CCDC85A: variants seen among roughly 807,000 people sequenced by gnomAD.
The protein encoded by CCDC85A is coiled-coil domain containing 85A.
A neutral mutation model predicts 50.2 loss-of-function variants in CCDC85A; 38 were observed. The observed-to-expected ratio is 0.76, with a 90% CI of 0.58 to 0.99. The LOEUF (loss-of-function observed/expected upper bound fraction) is 0.99. Ranked by LOEUF, CCDC85A falls within the 50% of genes least tolerant of loss-of-function variation. The pLI, the probability that CCDC85A is intolerant of heterozygous loss-of-function variation, is 0.00. For synonymous variants in CCDC85A, 366 were observed against 301.4 expected (o/e 1.21, Z -2.22); for missense variants, 820 against 742.0 (o/e 1.11, Z -1.22).
intron 2 of CCDC85A, among the ~76,000 whole-genome samples, chr2:56,257,227 G>A (rs1036235455): frequency 1.3e-5 from 2 of 152,120 alleles, no homozygotes; most frequent in Non-Finnish European, 2.9e-5. Flanking sequence ...CCACTGTGTT[G>A]GGGAGATGGT....
At chr2:56,227,736 A>G (rs367771606) in intron 2 of CCDC85A, among the ~76,000 whole-genome samples, 80 of 150,604 alleles carry the variant, frequency 5.3e-4, no homozygotes, top group African/African-American at 1.9e-3. Flanking sequence ...TTTTTGGTGT[A>G]TTTTAATAGC....
intron 2 of CCDC85A, among the ~76,000 whole-genome samples, chr2:56,248,247 G>A (rs1669596937): frequency 6.6e-6 from 1 of 152,200 alleles, no homozygotes; most frequent in Non-Finnish European, 1.5e-5. Flanking sequence ...GATTTAGGAT[G>A]GAAGATGTAT....
rs1489590846 is a variant in CCDC85A at position 56,317,045 on chromosome 2, G to A, written c.1241-25834G>A. On this transcript the variant is annotated intron_variant, in intron 2 of 5. Coordinates refer to ENST00000407595, the MANE Select transcript of CCDC85A (RefSeq NM_001080433.2). Reference sequence around the variant, plus strand: ...CGGCAAATTTTAGCTTCAAATATTGGGAAATTAACTAAGGTTATCTCATGT... The same window carrying A: ...CGGCAAATTTTAGCTTCAAATATTGAGAAATTAACTAAGGTTATCTCATGT... Among the ~76,000 whole-genome samples, 6 of 151,914 alleles carry A rather than the reference G, an allele frequency of 3.9e-5. No individual in the cohort carries two copies. In the East Asian group the frequency reaches 1.2e-3, roughly 29 times the overall value.
At position 56,300,161 on chromosome 2, in the gene CCDC85A, A is replaced by G. The variant is rs577292192; in HGVS notation, c.1241-42718A>G. Among the ~76,000 whole-genome samples the G allele has an allele frequency of 2.4e-4, 36 of 152,020 alleles. 1 individual carries two copies. The South Asian group carries it at 7.1e-3, about 30-fold the overall frequency. On this transcript the variant is annotated intron_variant, in intron 2 of 5. Transcript: ENST00000407595. ...GAGGAGCTGGCCTGTTAGGTTATCA[A>G]TGCACCTTAGACACTGGGGGAGTAA...
intron 2 of CCDC85A, among the ~76,000 whole-genome samples, chr2:56,222,075 C>G (rs116247157): frequency 0.021 from 3,214 of 152,190 alleles, 42 homozygotes; most frequent in Middle Eastern, 0.085. Context: ...ATCTAACCAT[C>G]TCTTAAAAGC....
At chr2:56,196,621 G>T (rs1676530617) in intron 2 of CCDC85A, among the ~76,000 whole-genome samples, 1 of 152,150 alleles carries the variant, frequency 6.6e-6, no homozygotes, top group African/African-American at 2.4e-5. Context: ...TAACTATTTA[G>T]CTCAGGTCAT....
chr2:56,275,088 T>C (rs1410925587), intron 2 of CCDC85A, among the ~76,000 whole-genome samples: 1 of 152,114 alleles, frequency 6.6e-6, no homozygotes, highest in East Asian at 1.9e-4. Flanking sequence ...TATCGGGAGC[T>C]TGGGTTTCAA....
chr2:56,373,058 G>C (rs1018847010), intron 4 of CCDC85A, among the ~76,000 whole-genome samples: 19 of 152,138 alleles, frequency 1.2e-4, no homozygotes, highest in African/African-American at 4.6e-4. Flanking sequence ...TCTGCTAAGC[G>C]CATAGAAAAC....
At position 56,384,375 on chromosome 2, in the gene CCDC85A, A is replaced by C. The variant is rs1179905488; in HGVS notation, c.*20A>C. Reference sequence around the variant, plus strand: ...ATGTGAGATGCACTCTTTTTCAAACAGGAGATCACCACTGCCAGAAAGTGA... The same window carrying C: ...ATGTGAGATGCACTCTTTTTCAAACCGGAGATCACCACTGCCAGAAAGTGA... On this transcript the variant is annotated 3_prime_UTR_variant, in exon 6 of 6. Transcript: ENST00000407595. 3 of 1,592,814 alleles carry C rather than the reference A, an allele frequency of 1.9e-6. No individual in the cohort carries two copies. The Admixed American group carries it at 5.0e-5, about 27-fold the overall frequency.
In CCDC85A at chr2:56,193,208, G is replaced by A. The variant is rs1315290479; in HGVS notation, c.1008G>A (p.Pro336=). The A allele has an allele frequency of 6.8e-6, 11 of 1,612,828 alleles. No homozygotes were observed. The highest frequency in any genetic ancestry group is 1.6e-4 in the Middle Eastern group (1 of 6,074). Residue 336 remains proline (P), a synonymous_variant, in exon 2 of 6, where the codon CCG becomes CCA. Coordinates refer to ENST00000407595, the MANE Select transcript of CCDC85A (RefSeq NM_001080433.2). The part of the protein sequence containing the change: ...PEHARHSGGS[P]EHLQKHALGG... ...ACGCCAGGCACAGTGGAGGGAGCCC[G>A]GAGCATCTTCAGAAACACGCTCTTG...
intron 2 of CCDC85A, among the ~76,000 whole-genome samples, chr2:56,254,323 G>C (rs1470600920): frequency 6.6e-6 from 1 of 152,140 alleles, no homozygotes; most frequent in East Asian, 1.9e-4. Context: ...TATTGATGCT[G>C]TCTCTTTGTT....
At chr2:56,309,265 C>A (rs368329607) in intron 2 of CCDC85A, among the ~76,000 whole-genome samples, 4 of 152,096 alleles carry the variant, frequency 2.6e-5, no homozygotes, top group African/African-American at 9.7e-5. Context: ...AATTAGATTT[C>A]TTGACATCAG....
chr2:56,342,208 T>A (rs540991591), intron 2 of CCDC85A, among the ~76,000 whole-genome samples: 15 of 152,030 alleles, frequency 9.9e-5, no homozygotes, highest in Admixed American at 2.6e-4. Flanking sequence ...TTTTTTTTTT[T>A]AAATTGACCT....
At chr2:56,326,965 C>G (rs1396437568) in intron 2 of CCDC85A, among the ~76,000 whole-genome samples, 1 of 152,016 alleles carries the variant, frequency 6.6e-6, no homozygotes, top group Non-Finnish European at 1.5e-5. Flanking sequence ...CAAGCCTCAG[C>G]TAAGGATATT....
At chr2:56,196,968 A>G (rs1320009740) in intron 2 of CCDC85A, among the ~76,000 whole-genome samples, 2 of 152,020 alleles carry the variant, frequency 1.3e-5, no homozygotes, top group Non-Finnish European at 2.9e-5. Flanking sequence ...TTCAGTGAGC[A>G]GTAACATTGT....
At chr2:56,337,916 C>T (rs112547583) in intron 2 of CCDC85A, among the ~76,000 whole-genome samples, 1,623 of 152,106 alleles carry the variant, frequency 0.011, 5 homozygotes, top group Middle Eastern at 0.031. Flanking sequence ...TCCCGAGTAG[C>T]TGGGATTACA....
chr2:56,310,006 C>T (rs987877858), intron 2 of CCDC85A, among the ~76,000 whole-genome samples: 4 of 152,158 alleles, frequency 2.6e-5, no homozygotes, highest in African/African-American at 9.7e-5. Flanking sequence ...GGAGGAGTCA[C>T]ACTATTCACA....
intron 4 of CCDC85A, among the ~76,000 whole-genome samples, chr2:56,375,242 A>G (rs968848052): frequency 6.6e-6 from 1 of 152,238 alleles, no homozygotes; most frequent in Non-Finnish European, 1.5e-5. Flanking sequence ...TAAACTAAAA[A>G]TATGTAGTTT....
intron 3 of CCDC85A, among the ~76,000 whole-genome samples, chr2:56,349,120 C>T (rs370588435): frequency 6.6e-6 from 1 of 152,050 alleles, no homozygotes; most frequent in Non-Finnish European, 1.5e-5. Flanking sequence ...TCATGAAGAG[C>T]GACCCTAATT....
Sources: gnomAD v4.1 joint callset for allele counts (sites outside exome capture counted in the v4.1 genomes callset) on GRCh38, gnomAD v4.1.1 for gene constraint, MANE v1.5 for transcripts, NCBI Gene and HGNC (gene_info 2026-07-23, HGNC 2026-07-21) for gene names.